Variants in POU6F2 observed in about 807,000 individuals in gnomAD.
The protein encoded by POU6F2 is POU domain, class 6, transcription factor 2.
POU6F2 carries 31 observed loss-of-function variants against 71.3 expected under a neutral mutation model. That is an observed-to-expected ratio of 0.43 (90% CI 0.33 to 0.59). POU6F2 has a LOEUF of 0.59. Among genes scored for constraint, POU6F2 ranks in the 20% least tolerant of loss-of-function variants. The pLI is 0.04. For missense variants in POU6F2, 783 were observed against 856.8 expected (o/e 0.91, Z 1.07); for synonymous variants, 347 against 355.7 (o/e 0.98, Z 0.27).
At chr7:39,307,277 C>G (rs998840609) in intron 4 of POU6F2, among the ~76,000 whole-genome samples, 4 of 152,058 alleles carry the variant, frequency 2.6e-5, no homozygotes, top group Non-Finnish European at 4.4e-5. Flanking sequence ...ATTTTCGGAA[C>G]TCTCTTTAAG....
intron 2 of POU6F2, among the ~76,000 whole-genome samples, chr7:39,190,628 C>T (rs1363373286): frequency 1.7e-4 from 20 of 119,528 alleles, no homozygotes; most frequent in African/African-American, 6.3e-4. Context: ...TTTGAGTCAA[C>T]TTCTTTTTTT....
chr7:39,123,123 C>A (rs2128727944), intron 2 of POU6F2, among the ~76,000 whole-genome samples: 1 of 152,306 alleles, frequency 6.6e-6, no homozygotes, highest in Non-Finnish European at 1.5e-5. Flanking sequence ...CAGACTAGAG[C>A]TGATGTGTGC....
intron 1 of POU6F2, among the ~76,000 whole-genome samples, chr7:39,065,544 G>A (rs1295381937): frequency 6.6e-6 from 1 of 151,248 alleles, no homozygotes; most frequent in African/African-American, 2.4e-5. Context: ...GAAAAAGAAA[G>A]CCAATAAAAT....
chr7:39,442,169 C>T (rs1788421820), intron 7 of POU6F2, among the ~76,000 whole-genome samples: 1 of 152,110 alleles, frequency 6.6e-6, no homozygotes, highest in African/African-American at 2.4e-5. Context: ...TATTGATCAC[C>T]TACCATGTGT....
At chr7:39,071,912 G>A (rs994058023) in intron 1 of POU6F2, among the ~76,000 whole-genome samples, 2 of 152,100 alleles carry the variant, frequency 1.3e-5, no homozygotes, top group African/African-American at 4.8e-5. Context: ...ATTTCTTGCT[G>A]ATTTACTTTA....
At chr7:39,015,874 TA>T (rs1386665712) in intron 1 of POU6F2, among the ~76,000 whole-genome samples, 26 of 78,448 alleles carry the variant, frequency 3.3e-4, no homozygotes, top group African/African-American at 1.3e-3. Flanking sequence ...ATATTATATA[TA>T]GATATATATT....
chr7:39,311,300 A>C (rs1308926106), intron 4 of POU6F2, among the ~76,000 whole-genome samples: 1 of 151,412 alleles, frequency 6.6e-6, no homozygotes, highest in Non-Finnish European at 1.5e-5. Flanking sequence ...AAAAAAACAA[A>C]CACCAAGTCA....
chr7:39,183,269 TCA>T (rs1204318300), intron 2 of POU6F2, among the ~76,000 whole-genome samples: 1 of 152,196 alleles, frequency 6.6e-6, no homozygotes, highest in African/African-American at 2.4e-5. Context: ...TAGTCTGTTC[TCA>T]CACTGCTATA....
chr7:39,389,008 G>T (rs1196760699), intron 5 of POU6F2, among the ~76,000 whole-genome samples: 4 of 152,054 alleles, frequency 2.6e-5, no homozygotes, highest in Non-Finnish European at 5.9e-5. Flanking sequence ...GTTTTATTTT[G>T]ATATCTGTAC....
chr7:39,150,047 A>G (rs1042720914), intron 2 of POU6F2, among the ~76,000 whole-genome samples: 5 of 151,858 alleles, frequency 3.3e-5, no homozygotes, highest in Admixed American at 6.6e-5. Flanking sequence ...AACCACGCCC[A>G]GCTAATTTTT....
intron 4 of POU6F2, among the ~76,000 whole-genome samples, chr7:39,337,547 T>TC (rs149407250): frequency 0.042 from 6,470 of 152,304 alleles, 177 homozygotes; most frequent in African/African-American, 0.077. Flanking sequence ...CCTTGAACCT[T>TC]CCTAACTGTA....
chr7:39,064,865 C>T (rs574398947), intron 1 of POU6F2, among the ~76,000 whole-genome samples: 1 of 151,906 alleles, frequency 6.6e-6, no homozygotes, highest in African/African-American at 2.4e-5. Flanking sequence ...TGGGAAGATG[C>T]AATTGACATC....
intron 4 of POU6F2, among the ~76,000 whole-genome samples, chr7:39,246,326 G>A (rs1412441424): frequency 2.6e-5 from 4 of 152,146 alleles, no homozygotes; most frequent in Non-Finnish European, 5.9e-5. Flanking sequence ...CTAAAGATGT[G>A]CACAGACAGC....
intron 4 of POU6F2, among the ~76,000 whole-genome samples, chr7:39,339,336 G>A (rs1184728405): frequency 6.6e-6 from 1 of 152,196 alleles, no homozygotes; most frequent in African/African-American, 2.4e-5. Flanking sequence ...AAGGAAGAGA[G>A]AGAGAAAGTA....
At chr7:39,136,467 G>T (rs1792390826) in intron 2 of POU6F2, among the ~76,000 whole-genome samples, 1 of 152,198 alleles carries the variant, frequency 6.6e-6, no homozygotes, top group South Asian at 2.1e-4. Flanking sequence ...TATTAAAATA[G>T]TATGCACCAA....
intron 4 of POU6F2, among the ~76,000 whole-genome samples, chr7:39,303,188 G>A (rs143728218): frequency 9.2e-5 from 14 of 152,012 alleles, no homozygotes; most frequent in South Asian, 8.3e-4. Context: ...ACGGAGTCTC[G>A]CTCTGTCACC....
At chr7:39,182,947 C>A (rs150775137) in intron 2 of POU6F2, among the ~76,000 whole-genome samples, 200 of 152,284 alleles carry the variant, frequency 1.3e-3, no homozygotes, top group African/African-American at 4.6e-3. Context: ...TTTCTGGGAA[C>A]CTTGCTTGGC....
At chr7:39,454,365 C>T (rs572318141) in intron 8 of POU6F2, among the ~76,000 whole-genome samples, 5 of 152,058 alleles carry the variant, frequency 3.3e-5, no homozygotes, top group African/African-American at 1.2e-4. Context: ...CCCCTCTTCT[C>T]TCCCTAAAAA....
At chr7:39,122,696 G>T in intron 2 of POU6F2, among the ~76,000 whole-genome samples, 2 of 148,638 alleles carry the variant, frequency 1.3e-5, no homozygotes, top group Non-Finnish European at 1.5e-5. Flanking sequence ...TCATAAATAT[G>T]CATGCCTATT....
Sources: allele counts gnomAD v4.1 joint callset (sites outside exome capture counted in the v4.1 genomes callset), GRCh38; gene constraint gnomAD v4.1.1; transcripts MANE v1.5; gene names NCBI Gene and HGNC (gene_info 2026-07-23, HGNC 2026-07-21).